RAB38: variants seen among roughly 807,000 people sequenced by gnomAD.
The protein encoded by RAB38 is ras-related protein Rab-38.
A neutral mutation model predicts 18.4 loss-of-function variants in RAB38; 15 were observed. The observed-to-expected ratio is 0.82, with a 90% CI of 0.55 to 1.26. The LOEUF (loss-of-function observed/expected upper bound fraction) is 1.26, where lower values mean the gene tolerates loss of function less well. Ranked by LOEUF, RAB38 falls within the 50% of genes most tolerant of loss-of-function variation. The pLI is 0.00. For synonymous variants in RAB38, 101 were observed against 104.4 expected, an observed-to-expected ratio of 0.97 and a Z score of 0.20; for missense variants, 294 against 267.4, an observed-to-expected ratio of 1.10 and a Z score of -0.69.
chr11:87,961,679 T>G, the RAB38 span, among the ~76,000 whole-genome samples: 1 of 152,034 alleles, frequency 6.6e-6, no homozygotes, highest in African/African-American at 2.4e-5. Context: ...GGAACTAAAG[T>G]CCTAGAAACC....
At chr11:87,953,413 T>G in the RAB38 span, among the ~76,000 whole-genome samples, 1 of 152,216 alleles carries the variant, frequency 6.6e-6, no homozygotes, top group Non-Finnish European at 1.5e-5. Flanking sequence ...AGTACAGTAG[T>G]CCCCCCTTAC....
At chr11:88,045,920 C>G in the RAB38 span, among the ~76,000 whole-genome samples, 2 of 152,130 alleles carry the variant, frequency 1.3e-5, no homozygotes, top group Non-Finnish European at 2.9e-5. Context: ...TTTTAGTTAT[C>G]TCCACCTGCC....
the RAB38 span, among the ~76,000 whole-genome samples, chr11:87,946,815 A>G: frequency 1.3e-5 from 2 of 152,112 alleles, no homozygotes; most frequent in Admixed American, 6.6e-5. Context: ...GTTGGTTCCA[A>G]GTCTTTGCTA....
At chr11:87,945,292 A>G in the RAB38 span, among the ~76,000 whole-genome samples, 1 of 152,166 alleles carries the variant, frequency 6.6e-6, no homozygotes, top group Non-Finnish European at 1.5e-5. Context: ...ATATTAGTCT[A>G]AAGAAGTACA....
At chr11:88,030,618 G>T in the RAB38 span, among the ~76,000 whole-genome samples, 3 of 152,278 alleles carry the variant, frequency 2.0e-5, no homozygotes, top group African/African-American at 7.2e-5. Context: ...AAATAAACTA[G>T]AAAATCTAGA....
At chr11:88,021,998 A>G in the RAB38 span, among the ~76,000 whole-genome samples, 3 of 152,204 alleles carry the variant, frequency 2.0e-5, no homozygotes, top group South Asian at 6.2e-4. Flanking sequence ...AACTCATTCT[A>G]TAAAGCCAGT....
the RAB38 span, chr11:88,097,945 A>T: frequency 6.6e-6 from 1 of 151,960 alleles, no homozygotes; most frequent in South Asian, 2.1e-4. Flanking sequence ...TCAATACTTT[A>T]CTGCTCATGC....
intron 1 of RAB38, among the ~76,000 whole-genome samples, chr11:88,159,606 G>T (rs1029613118): frequency 9.2e-5 from 14 of 151,886 alleles, no homozygotes; most frequent in African/African-American, 2.9e-4. Context: ...AACCAAAACA[G>T]CATGGTAATA....
chr11:88,096,849 CTT>C, the RAB38 span, among the ~76,000 whole-genome samples: 1 of 151,400 alleles, frequency 6.6e-6, no homozygotes, highest in African/African-American at 2.4e-5. Flanking sequence ...ATTCTAGAAA[CTT>C]ATGTCAAAAT....
At chr11:88,118,070 C>T (rs79403383) in intron 2 of RAB38, among the ~76,000 whole-genome samples, 4,564 of 152,262 alleles carry the variant, frequency 0.03, 249 homozygotes, top group African/African-American at 0.1. Context: ...ATATTTACCA[C>T]ATGTTTACTA....
At chr11:87,868,727 T>A in the RAB38 span, among the ~76,000 whole-genome samples, 2 of 151,678 alleles carry the variant, frequency 1.3e-5, no homozygotes, top group African/African-American at 4.8e-5. Context: ...TAGATCCAAC[T>A]GAGGAAGGAT....
the RAB38 span, among the ~76,000 whole-genome samples, chr11:87,875,864 T>G: frequency 6.6e-6 from 1 of 151,650 alleles, no homozygotes; most frequent in Admixed American, 6.6e-5. Context: ...GTTCTAATAA[T>G]TTGTGGATTC....
chr11:88,055,671 T>C, the RAB38 span, among the ~76,000 whole-genome samples: 3 of 152,162 alleles, frequency 2.0e-5, no homozygotes, highest in Non-Finnish European at 4.4e-5. Flanking sequence ...CATGAAAATA[T>C]AAAGCAGTTT....
At chr11:87,809,754 A>C in the RAB38 span, among the ~76,000 whole-genome samples, 1 of 152,132 alleles carries the variant, frequency 6.6e-6, no homozygotes. Context: ...TTTTTCTGTC[A>C]TTTTATCCTC....
chr11:88,168,348 C>T (rs1943268887), intron 1 of RAB38, among the ~76,000 whole-genome samples: 1 of 152,156 alleles, frequency 6.6e-6, no homozygotes, highest in Non-Finnish European at 1.5e-5. Flanking sequence ...CTTAACACCT[C>T]CTTCCTCACA....
the RAB38 span, among the ~76,000 whole-genome samples, chr11:87,915,314 T>C: frequency 3.3e-5 from 5 of 152,132 alleles, no homozygotes; most frequent in African/African-American, 9.6e-5. Context: ...CACAATGAGA[T>C]AGGAGGATGG....
chr11:88,116,183 A>T (rs901929151), intron 2 of RAB38, among the ~76,000 whole-genome samples: 1 of 152,172 alleles, frequency 6.6e-6, no homozygotes, highest in South Asian at 2.1e-4. Context: ...GACCCAGCTC[A>T]ACACTTTGTT....
chr11:87,950,838 C>T, the RAB38 span, among the ~76,000 whole-genome samples: 2 of 152,092 alleles, frequency 1.3e-5, no homozygotes, highest in South Asian at 2.1e-4. Flanking sequence ...TCATTTCAAC[C>T]TTGGTGAATC....
the RAB38 span, among the ~76,000 whole-genome samples, chr11:87,896,140 T>C: frequency 4.6e-5 from 7 of 151,718 alleles, no homozygotes; most frequent in Non-Finnish European, 8.9e-5. Context: ...TAAAAGGGAA[T>C]GATAGACAGA....
Sources: allele counts gnomAD v4.1 joint callset (sites outside exome capture counted in the v4.1 genomes callset), GRCh38; gene constraint gnomAD v4.1.1; transcripts MANE v1.5; gene names NCBI Gene and HGNC (gene_info 2026-07-23, HGNC 2026-07-21).